GDPD4: variants seen among roughly 807,000 people sequenced by gnomAD.
The protein encoded by GDPD4 is glycerophosphodiester phosphodiesterase 6.
In GDPD4, 60 loss-of-function variants were observed where a neutral mutation model predicts 67.8. That is an observed-to-expected ratio of 0.88 (90% CI 0.72 to 1.10). The LOEUF (loss-of-function observed/expected upper bound fraction) is 1.10. Ranked by LOEUF, GDPD4 falls within the 50% of genes least tolerant of loss-of-function variation. The pLI, the probability that GDPD4 is intolerant of heterozygous loss-of-function variation, is 0.00. For missense variants in GDPD4, 623 were observed against 613.9 expected, an observed-to-expected ratio of 1.01 and a Z score of -0.16; for synonymous variants, 212 against 210.9, an observed-to-expected ratio of 1.00 and a Z score of -0.04.
In GDPD4 at chr11:77,258,479, T is replaced by G; in HGVS notation, c.771A>C (p.Glu257Asp). ...FDLKRTTNIGEVQPESACENP... is the reference protein window; with the variant it reads ...FDLKRTTNIGDVQPESACENP... ...TCTCGCAGGCAGATTCTGGCTGAAC[T>G]TCCCCAATATTGGTTGTTCTTTTCA... Residue 257 changes from glutamate (E) to aspartate (D), a missense_variant, in exon 11 of 17, where the codon GAA (glutamate) becomes GAC (aspartate). By Grantham distance (45) the Glu-to-Asp change is conservative (BLOSUM62 2). Coordinates refer to ENST00000315938, the MANE Select transcript of GDPD4 (RefSeq NM_182833.3). The G allele has an allele frequency of 6.2e-7, 1 of 1,614,058 alleles. No homozygotes were observed. The highest frequency in any genetic ancestry group is 8.5e-7 in the Non-Finnish European group (1 of 1,179,920).
intron 1 of GDPD4, among the ~76,000 whole-genome samples, chr11:77,300,711 TAAG>T (rs2135903183): frequency 6.6e-6 from 1 of 152,350 alleles, no homozygotes; most frequent in African/African-American, 2.4e-5. Context: ...CTTGACATCT[TAAG>T]AATATATCTT....
rs899635269 is a variant in GDPD4 at position 77,270,654 on chromosome 11, A to C, written c.400+476T>G. On this transcript the variant is annotated intron_variant, in intron 7 of 16. Coordinates refer to ENST00000315938, the MANE Select transcript of GDPD4 (RefSeq NM_182833.3). ...AACCCAGGAGGCGGAGGTTGTAGTG[A>C]GCCGAGATTGTGCCACTGCACTCCA... Among the ~76,000 whole-genome samples the C allele has an allele frequency of 5.3e-5, 8 of 152,336 alleles. No individual in the cohort carries two copies. The South Asian group carries it at 1.0e-3, about 20-fold the overall frequency.
chr11:77,298,347 A>C (rs1429567602), intron 1 of GDPD4, among the ~76,000 whole-genome samples: 1 of 152,156 alleles, frequency 6.6e-6, no homozygotes, highest in Non-Finnish European at 1.5e-5. Flanking sequence ...CCCCGTTTCT[A>C]CTAAAAATAC....
At chr11:77,299,852 G>T (rs1336164133) in intron 1 of GDPD4, among the ~76,000 whole-genome samples, 1 of 152,190 alleles carries the variant, frequency 6.6e-6, no homozygotes, top group East Asian at 1.9e-4. Context: ...GTAACTAAGG[G>T]AAGGGTGAAC....
At position 77,239,175 on chromosome 11, in the gene GDPD4, T is replaced by G. The variant is rs114229965; in HGVS notation, c.1241+4519A>C. 9.7e-3 allele frequency among the ~76,000 whole-genome samples: 1,480 copies of G among 152,314 alleles called. 29 individuals are homozygous for G. The highest frequency in any genetic ancestry group is 0.034 in the African/African-American group (1,411 of 41,564). On this transcript the variant is annotated intron_variant, in intron 13 of 16. Transcript: ENST00000315938. The stretch of plus-strand genomic sequence containing the variant: ...CATGATAAAAACTCTCAACAGATTA[T>G]GTATAGAAGGAATATACCAAAATAC...
intron 3 of GDPD4, among the ~76,000 whole-genome samples, chr11:77,282,900 T>C (rs1185727372): frequency 6.6e-6 from 1 of 152,032 alleles, no homozygotes; most frequent in Non-Finnish European, 1.5e-5. Context: ...AAACATGAGC[T>C]ACAGAAAGGT....
chr11:77,246,993 A>C (rs1204255643), intron 11 of GDPD4, among the ~76,000 whole-genome samples: 1 of 152,146 alleles, frequency 6.6e-6, no homozygotes, highest in Non-Finnish European at 1.5e-5. Context: ...GACTCAAGTA[A>C]TCTCTCTTTT....
At chr11:77,276,275 C>CTTT in intron 4 of GDPD4, 55 bp from the exon 5 acceptor site, 1 of 1,359,938 alleles carries the variant, frequency 7.4e-7, no homozygotes, top group South Asian at 1.2e-5. Context: ...AGTTGCCACC[C>CTTT]AAAGCACTGT....
intron 10 of GDPD4, among the ~76,000 whole-genome samples, chr11:77,263,435 CT>C (rs962300588): frequency 3.3e-5 from 5 of 151,222 alleles, no homozygotes; most frequent in African/African-American, 1.2e-4. Flanking sequence ...AGCACAACGA[CT>C]GAAAAAAAAG....
In GDPD4 at chr11:77,216,648, A is replaced by G. The variant is rs1958125780; in HGVS notation, c.*629T>C. 2.2e-6 allele frequency: 1 copy of G among 458,752 alleles called. No homozygotes were observed. Among genetic ancestry groups the G allele is most frequent in the South Asian group, 2.8e-5 (1 of 36,200 alleles). The allele number at this position is 458,752 out of a possible 1,614,324, so 28.4% of individuals were successfully genotyped here. On this transcript the variant is annotated 3_prime_UTR_variant, in exon 17 of 17. Coordinates refer to ENST00000315938, the MANE Select transcript of GDPD4 (RefSeq NM_182833.3). Reference sequence around the variant, plus strand: ...TTAGGATGAGATAAACCTGACAGCAACCAGTTCCAAGACCACACACAGCAG... The same window carrying G: ...TTAGGATGAGATAAACCTGACAGCAGCCAGTTCCAAGACCACACACAGCAG...
At chr11:77,244,366 G>A (rs986801286) in intron 12 of GDPD4, among the ~76,000 whole-genome samples, 3 of 152,038 alleles carry the variant, frequency 2.0e-5, no homozygotes, top group Non-Finnish European at 4.4e-5. Flanking sequence ...TCTTATAATG[G>A]GGCTTTCACT....
intron 1 of GDPD4, among the ~76,000 whole-genome samples, chr11:77,296,382 G>A (rs943176208): frequency 2.7e-5 from 4 of 148,740 alleles, no homozygotes; most frequent in Admixed American, 1.3e-4. Flanking sequence ...GTGGAATGGC[G>A]TGCTCTCGGC....
intron 13 of GDPD4, 88 bp from the exon 14 acceptor site, chr11:77,233,260 G>C (rs1958487782): frequency 1.5e-6 from 2 of 1,318,064 alleles, no homozygotes; most frequent in Non-Finnish European, 2.2e-6. Flanking sequence ...TTTGTGAAAG[G>C]CTGTTGCCTA....
intron 13 of GDPD4, among the ~76,000 whole-genome samples, chr11:77,241,393 G>A (rs1012557950): frequency 2.6e-5 from 4 of 152,080 alleles, no homozygotes; most frequent in Non-Finnish European, 5.9e-5. Context: ...ACTTACAGTG[G>A]GGTACGGTGG....
intron 11 of GDPD4, among the ~76,000 whole-genome samples, chr11:77,257,638 C>T (rs575667212): frequency 4.6e-5 from 7 of 151,176 alleles, no homozygotes. Context: ...ATCATTACTG[C>T]CCTTGCTTCC....
At chr11:77,269,765 T>C (rs1164663566) in intron 8 of GDPD4, 118 bp downstream of exon 8, 1 of 607,962 alleles carries the variant, frequency 1.6e-6, no homozygotes, top group Non-Finnish European at 2.9e-6. Context: ...ATGCCTGCGA[T>C]AACCAGCCAT....
chr11:77,285,883 G>A (rs988687244), intron 2 of GDPD4, among the ~76,000 whole-genome samples: 6 of 152,126 alleles, frequency 3.9e-5, no homozygotes, highest in Non-Finnish European at 5.9e-5. Context: ...TTATGGAGAA[G>A]GTACTGCTTT....
At chr11:77,300,185 G>T (rs1214900554) in intron 1 of GDPD4, among the ~76,000 whole-genome samples, 1 of 151,494 alleles carries the variant, frequency 6.6e-6, no homozygotes, top group East Asian at 1.9e-4. Context: ...CCTCACTCCC[G>T]CCAAACCACT....
chr11:77,228,024 A>C lies in GDPD4; in HGVS notation c.1473-108T>G, dbSNP rs1301914836. 4 of 789,310 alleles carry C rather than the reference A, an allele frequency of 5.1e-6. No individual in the cohort carries two copies. The African/African-American group carries it at 6.8e-5, about 13-fold the overall frequency. 48.9% of individuals were successfully genotyped at this position (789,310 alleles called of 1,614,324 possible). On this transcript the variant is annotated intron_variant, in intron 15 of 16. Coordinates refer to ENST00000315938, the MANE Select transcript of GDPD4 (RefSeq NM_182833.3). The stretch of plus-strand genomic sequence containing the variant: ...TCCCCCTTCCATCTTGAAACTTACA[A>C]TCCTATAGCATTTGCCTGCAAGGAT...
Sources: gnomAD v4.1 joint callset for allele counts (sites outside exome capture counted in the v4.1 genomes callset) on GRCh38, gnomAD v4.1.1 for gene constraint, MANE v1.5 for transcripts, NCBI Gene and HGNC (gene_info 2026-07-23, HGNC 2026-07-21) for gene names.